The following TBCEL variants were observed in gnomAD, a reference collection of about 807,000 sequenced individuals.
TBCEL encodes tubulin folding cofactor E like.
A neutral mutation model predicts 44.2 loss-of-function variants in TBCEL; 15 were observed. The observed-to-expected ratio is 0.34, with a 90% confidence interval of 0.23 to 0.52. The LOEUF is 0.52. Among genes scored for constraint, TBCEL ranks in the 20% least tolerant of loss-of-function variants. TBCEL has a pLI of 0.95. For missense variants in TBCEL, 319 were observed against 506.3 expected (o/e 0.63, Z 3.55); for synonymous variants, 171 against 185.4 (o/e 0.92, Z 0.63).
At chr11:121,045,341 T>C (rs1945410433) in intron 2 of TBCEL, among the ~76,000 whole-genome samples, 1 of 152,102 alleles carries the variant, frequency 6.6e-6, no homozygotes, top group Non-Finnish European at 1.5e-5. Flanking sequence ...TTTCAGACCT[T>C]TCTTCAATTA....
chr11:121,039,058 T>G (rs1314038406), intron 2 of TBCEL, among the ~76,000 whole-genome samples: 1 of 152,182 alleles, frequency 6.6e-6, no homozygotes, highest in Non-Finnish European at 1.5e-5. Context: ...TCTCTCAGAA[T>G]TTTTCTTAGT....
rs539431291 is a variant in TBCEL at position 121,028,223 on chromosome 11, A to AAAT, written c.-126+3934_-126+3935insTAA. 2.1e-5 allele frequency among the ~76,000 whole-genome samples: 3 copies of AAAT among 144,976 alleles called. No individual in the cohort carries two copies. In the East Asian group the frequency reaches 6.0e-4, roughly 29 times the overall value. ...TGTTTAAAAAAATAAATAAATAAAT[A>AAAT]AAATAAAATAAAATAAAGCAGATCC... On this transcript the variant is annotated intron_variant, in intron 1 of 8. Transcript: ENST00000683345.
At chr11:121,035,206 C>G (rs1945209823) in intron 1 of TBCEL, 1 of 152,056 alleles carries the variant, frequency 6.6e-6, no homozygotes, top group Non-Finnish European at 1.5e-5. Flanking sequence ...CTGTGCTAAC[C>G]ACCCTTTACC....
chr11:121,038,135 G>T (rs116131793), intron 2 of TBCEL, among the ~76,000 whole-genome samples: 3,616 of 151,868 alleles, frequency 0.024, 112 homozygotes, highest in African/African-American at 0.067. Context: ...AATTTTTGTA[G>T]TTTTAGTAGA....
chr11:121,046,924 T>C (rs1945441038), intron 3 of TBCEL, among the ~76,000 whole-genome samples: 1 of 152,046 alleles, frequency 6.6e-6, no homozygotes, highest in Non-Finnish European at 1.5e-5. Flanking sequence ...AAGGGACAAA[T>C]TCTGTAGGGA....
chr11:121,089,281 A>G lies in TBCEL; in HGVS notation c.*2185A>G, dbSNP rs1410646462. 2 of 152,186 alleles carry G rather than the reference A, an allele frequency of 1.3e-5. No homozygotes were observed. Among genetic ancestry groups the G allele is most frequent in the Non-Finnish European group, 2.9e-5 (2 of 68,020 alleles). The allele number at this position is 152,186 out of a possible 1,614,324, so 9.4% of individuals were successfully genotyped here. A position where few individuals can be genotyped will look rare whatever the true frequency, so the allele number is the denominator to read the frequency against. ...TTTATATATGGCAAAGTTTTATGAA[A>G]TGCTTTTTTACTATTAGAGACCTGT... On this transcript the variant is annotated 3_prime_UTR_variant, in exon 9 of 9. Transcript: ENST00000683345.
At chr11:121,042,012 C>T (rs1164155322) in intron 2 of TBCEL, among the ~76,000 whole-genome samples, 1 of 151,856 alleles carries the variant, frequency 6.6e-6, no homozygotes, top group Admixed American at 6.6e-5. Context: ...ATGTTTGCTT[C>T]CTTACTAGCA....
intron 2 of TBCEL, among the ~76,000 whole-genome samples, chr11:121,037,153 A>G (rs934728580): frequency 1.3e-5 from 2 of 152,200 alleles, no homozygotes; most frequent in South Asian, 2.1e-4. Flanking sequence ...ATAGTGTAGT[A>G]TACAGTTGAG....
At chr11:121,025,655 T>G (rs558936141) in intron 1 of TBCEL, among the ~76,000 whole-genome samples, 1 of 152,270 alleles carries the variant, frequency 6.6e-6, no homozygotes, top group African/African-American at 2.4e-5. Flanking sequence ...ATTTATTTGG[T>G]GTCAATCAGT....
intron 8 of TBCEL, among the ~76,000 whole-genome samples, chr11:121,085,641 A>G (rs1375218938): frequency 6.6e-6 from 1 of 152,130 alleles, no homozygotes; most frequent in Non-Finnish European, 1.5e-5. Flanking sequence ...ATTGGAAATG[A>G]TTACTTCCAT....
intron 2 of TBCEL, among the ~76,000 whole-genome samples, chr11:121,039,396 G>A (rs968536239): frequency 2.0e-5 from 3 of 152,174 alleles, no homozygotes; most frequent in East Asian, 1.9e-4. Context: ...TTAGATATGT[G>A]TTATCTCATG....
intron 8 of TBCEL, among the ~76,000 whole-genome samples, chr11:121,082,519 A>G (rs899906179): frequency 2.6e-5 from 4 of 152,208 alleles, no homozygotes; most frequent in African/African-American, 9.7e-5. Flanking sequence ...TACCACAATC[A>G]TGTTGAAGAG....
chr11:121,032,814 A>G (rs1945167700), intron 1 of TBCEL, among the ~76,000 whole-genome samples: 1 of 152,260 alleles, frequency 6.6e-6, no homozygotes, highest in Non-Finnish European at 1.5e-5. Flanking sequence ...TCAGCAGGGA[A>G]CATACCCGTT....
At chr11:121,067,796 TTCTAGGAAATAAC>T in intron 8 of TBCEL, among the ~76,000 whole-genome samples, 1 of 152,336 alleles carries the variant, frequency 6.6e-6, no homozygotes, top group East Asian at 1.9e-4. Context: ...CCAGGAGAAC[TTCTAGGAAATAAC>T]TCTAGATTCT....
intron 1 of TBCEL, among the ~76,000 whole-genome samples, chr11:121,032,403 G>A (rs1221377735): frequency 1.3e-5 from 2 of 152,038 alleles, no homozygotes; most frequent in Non-Finnish European, 1.5e-5. Flanking sequence ...TACTCCTAGG[G>A]GAAATATAGG....
At chr11:121,063,701 G>C (rs1394124366) in intron 8 of TBCEL, among the ~76,000 whole-genome samples, 1 of 152,230 alleles carries the variant, frequency 6.6e-6, no homozygotes, top group East Asian at 1.9e-4. Flanking sequence ...TGGTATTTAC[G>C]ACTTCCCTCT....
At chr11:121,049,940 A>G (rs1939004) in intron 4 of TBCEL, among the ~76,000 whole-genome samples, 36,584 of 151,610 alleles carry the variant, frequency 0.24, 4,498 homozygotes, top group East Asian at 0.33. Context: ...TACTGTATTT[A>G]TACTCAGTTT....
At chr11:121,048,981 G>A (rs1313392839) in intron 4 of TBCEL, among the ~76,000 whole-genome samples, 1 of 151,830 alleles carries the variant, frequency 6.6e-6, no homozygotes, top group Non-Finnish European at 1.5e-5. Flanking sequence ...TTATCGCAGA[G>A]CACCTACACT....
rs150938588 is a variant in TBCEL at position 121,049,118 on chromosome 11, C to G, written c.273+1451C>G. 3.3e-3 allele frequency among the ~76,000 whole-genome samples: 501 copies of G among 151,906 alleles called. 3 individuals are homozygous for G. Among genetic ancestry groups the G allele is most frequent in the African/African-American group, 0.012 (481 of 41,502 alleles). ...TTTTTTTTATCATAAGCCCAGCATA[C>G]CAAGTAGTCAAATATTTGTTGAGTG... On this transcript the variant is annotated intron_variant, in intron 4 of 8. Coordinates refer to ENST00000683345, the MANE Select transcript of TBCEL (RefSeq NM_001363644.2).
Sources: allele counts gnomAD v4.1 joint callset (sites outside exome capture counted in the v4.1 genomes callset), GRCh38; gene constraint gnomAD v4.1.1; transcripts MANE v1.5; gene names NCBI Gene and HGNC (gene_info 2026-07-23, HGNC 2026-07-21).